RBFOX1: variants seen among roughly 807,000 people sequenced by gnomAD.
RBFOX1 encodes RNA binding fox-1 homolog 1.
In RBFOX1, 8 loss-of-function variants were observed where a neutral mutation model predicts 57.7. The observed-to-expected ratio is 0.14, with a 90% confidence interval of 0.08 to 0.25. The LOEUF (loss-of-function observed/expected upper bound fraction) is 0.25, where lower values mean the gene tolerates loss of function less well. RBFOX1 is among the 10% of genes least tolerant of loss of function. The pLI, the probability that RBFOX1 is intolerant of heterozygous loss-of-function variation, is 1.00. For synonymous variants in RBFOX1, 326 were observed against 222.4 expected (o/e 1.47, Z -4.15); for missense variants, 611 against 548.5 (o/e 1.11, Z -1.14).
intron 2 of RBFOX1, among the ~76,000 whole-genome samples, chr16:6,408,034 G>C (rs2093345392): frequency 1.3e-5 from 2 of 152,182 alleles, no homozygotes; most frequent in South Asian, 4.1e-4. Flanking sequence ...GAGGAAGCTT[G>C]TTTACCCCTC....
chr16:7,062,130 A>T (rs2054499285), intron 4 of RBFOX1, among the ~76,000 whole-genome samples: 1 of 151,954 alleles, frequency 6.6e-6, no homozygotes, highest in Non-Finnish European at 1.5e-5. Flanking sequence ...ATCCTGGCTA[A>T]CACGGTGAAA....
At chr16:6,297,554 G>C (rs1484858124) in intron 1 of RBFOX1, among the ~76,000 whole-genome samples, 1 of 152,118 alleles carries the variant, frequency 6.6e-6, no homozygotes, top group African/African-American at 2.4e-5. Flanking sequence ...TTGTACAGTA[G>C]TCAGGGAAAT....
intron 2 of RBFOX1, among the ~76,000 whole-genome samples, chr16:5,486,545 C>G: frequency 6.6e-6 from 1 of 152,170 alleles, no homozygotes; most frequent in East Asian, 1.9e-4. Flanking sequence ...TTTGGAATCT[C>G]CACCTGCCAG....
intron 3 of RBFOX1, among the ~76,000 whole-genome samples, chr16:6,991,445 C>T (rs757878920): frequency 6.6e-6 from 1 of 152,170 alleles, no homozygotes; most frequent in Non-Finnish European, 1.5e-5. Context: ...GGAACTGACA[C>T]AATGATTAGC....
chr16:7,453,296 T>A (rs918191337), intron 4 of RBFOX1, among the ~76,000 whole-genome samples: 1 of 151,892 alleles, frequency 6.6e-6, no homozygotes, highest in South Asian at 2.1e-4. Flanking sequence ...TGTATGAAGA[T>A]CCTGTGGTAG....
At chr16:6,894,015 C>A (rs140558055) in intron 3 of RBFOX1, among the ~76,000 whole-genome samples, 1 of 152,110 alleles carries the variant, frequency 6.6e-6, no homozygotes, top group African/African-American at 2.4e-5. Context: ...CTTCTAATAT[C>A]CCAAAGACAG....
chr16:6,590,819 C>G (rs768736907), intron 2 of RBFOX1, among the ~76,000 whole-genome samples: 27 of 144,818 alleles, frequency 1.9e-4, no homozygotes, highest in South Asian at 9.4e-4. Flanking sequence ...ACATGGACAG[C>G]TCTGTCATAT....
intron 2 of RBFOX1, among the ~76,000 whole-genome samples, chr16:6,619,857 C>G (rs911828826): frequency 1.3e-5 from 2 of 152,234 alleles, no homozygotes; most frequent in Non-Finnish European, 2.9e-5. Flanking sequence ...TCTCCCTCCT[C>G]CCACCCTCCA....
At chr16:6,232,018 G>C (rs1018499325) in intron 1 of RBFOX1, among the ~76,000 whole-genome samples, 5 of 152,134 alleles carry the variant, frequency 3.3e-5, no homozygotes, top group Admixed American at 3.3e-4. Context: ...TTATTAGTGT[G>C]ATTAATATAC....
intron 4 of RBFOX1, among the ~76,000 whole-genome samples, chr16:7,457,879 C>T (rs1170747272): frequency 6.6e-6 from 1 of 152,080 alleles, no homozygotes; most frequent in East Asian, 1.9e-4. Context: ...TCACCCCCTC[C>T]CCAATACTCT....
chr16:6,225,366 C>T (rs1413527987), intron 1 of RBFOX1, among the ~76,000 whole-genome samples: 2 of 152,096 alleles, frequency 1.3e-5, no homozygotes, highest in East Asian at 1.9e-4. Flanking sequence ...TCCCGGTTTG[C>T]CTTGGGAACA....
At chr16:5,530,931 TATAAAAAAAAAAAAAAAAAAAAAAAAAA>T (rs2044444583) in intron 2 of RBFOX1, among the ~76,000 whole-genome samples, 4 of 88,116 alleles carry the variant, frequency 4.5e-5, no homozygotes, top group Admixed American at 1.2e-4. Context: ...CTACTAAAAA[TATAAAAAAAAAAAAAAAAAAAAAAAAAA>T]AAAAAAAAAA....
At chr16:7,245,904 A>C (rs2094277948) in intron 4 of RBFOX1, among the ~76,000 whole-genome samples, 1 of 152,148 alleles carries the variant, frequency 6.6e-6, no homozygotes, top group African/African-American at 2.4e-5. Flanking sequence ...ATAGATATTC[A>C]ATTCTCCCAG....
At chr16:7,436,864 C>G (rs1311567780) in intron 4 of RBFOX1, among the ~76,000 whole-genome samples, 1 of 152,140 alleles carries the variant, frequency 6.6e-6, no homozygotes, top group Non-Finnish European at 1.5e-5. Context: ...GAGTTTGAGA[C>G]CAGCCTGGCA....
chr16:7,437,243 T>A (rs2098729450), intron 4 of RBFOX1, among the ~76,000 whole-genome samples: 2 of 106,592 alleles, frequency 1.9e-5, no homozygotes. Context: ...AGAATTAAAT[T>A]ATCTTTGCCC....
chr16:6,003,038 G>C (rs2060628417), intron 4 of RBFOX1, among the ~76,000 whole-genome samples: 1 of 152,056 alleles, frequency 6.6e-6, no homozygotes, highest in Non-Finnish European at 1.5e-5. Context: ...CCAACACTTT[G>C]GGAGGCTGAG....
At chr16:6,581,269 T>A (rs1239768186) in intron 2 of RBFOX1, among the ~76,000 whole-genome samples, 4 of 152,178 alleles carry the variant, frequency 2.6e-5, no homozygotes, top group Non-Finnish European at 4.4e-5. Context: ...TTAGAATTTA[T>A]CTCCTGCACA....
chr16:5,512,036 T>G (rs2043611268), intron 2 of RBFOX1, among the ~76,000 whole-genome samples: 1 of 152,184 alleles, frequency 6.6e-6, no homozygotes. Flanking sequence ...CCCAAACCAC[T>G]TAAACAATTG....
chr16:7,471,421 A>T (rs894004276), intron 4 of RBFOX1, among the ~76,000 whole-genome samples: 2 of 152,114 alleles, frequency 1.3e-5, no homozygotes, highest in African/African-American at 4.8e-5. Context: ...CCCTTCCCCA[A>T]AGTTTGCACC....
Sources: gnomAD v4.1 joint callset for allele counts (sites outside exome capture counted in the v4.1 genomes callset) on GRCh38, gnomAD v4.1.1 for gene constraint, MANE v1.5 for transcripts, NCBI Gene and HGNC (gene_info 2026-07-23, HGNC 2026-07-21) for gene names.